The following PGS1 variants were observed in gnomAD, a reference collection of about 807,000 sequenced individuals.
The protein encoded by PGS1 is CDP-diacylglycerol--glycerol-3-phosphate 3-phosphatidyltransferase, mitochondrial.
A neutral mutation model predicts 58.3 loss-of-function variants in PGS1; 44 were observed. The observed-to-expected ratio is 0.75, with a 90% CI of 0.59 to 0.97. The LOEUF is 0.97. Among genes scored for constraint, PGS1 ranks in the 50% least tolerant of loss-of-function variants. PGS1 has a pLI of 0.00. For missense variants in PGS1, 684 were observed against 731.1 expected (o/e 0.94, Z 0.74); for synonymous variants, 330 against 311.0 (o/e 1.06, Z -0.64).
chr17:78,418,708 T>TA (rs1396273841), intron 8 of PGS1, among the ~76,000 whole-genome samples: 1 of 152,158 alleles, frequency 6.6e-6, no homozygotes, highest in Non-Finnish European at 1.5e-5. Flanking sequence ...AAGGGAGCTT[T>TA]ATAAGGTTCT....
intron 7 of PGS1, among the ~76,000 whole-genome samples, chr17:78,405,431 C>T (rs2084051550): frequency 6.6e-6 from 1 of 152,048 alleles, no homozygotes; most frequent in Non-Finnish European, 1.5e-5. Context: ...CTTTTTTCCC[C>T]ATAGCTGAGG....
Position 78,403,913 on chromosome 17 carries a change from T to C in PGS1, c.1226T>C (p.Leu409Pro). The change falls in exon 7 of 10, where the codon CTG becomes CCG. Residue 409 changes from leucine to proline, a missense_variant. Coordinates refer to ENST00000262764, the MANE Select transcript of PGS1 (RefSeq NM_024419.5). ...VLGTRAEYQI[L>P]LASPEVNGFF... ...GGCACTCGGGCTGAGTACCAGATCC[T>C]GCTGGCCTCACCAGAGGTGAATGGC... The C allele has an allele frequency of 6.2e-7, 1 of 1,614,208 alleles. No homozygotes were observed. The highest frequency in any genetic ancestry group is 8.5e-7 in the Non-Finnish European group (1 of 1,180,000).
chr17:78,387,251 G>A (rs1486476817), intron 1 of PGS1, among the ~76,000 whole-genome samples: 1 of 151,994 alleles, frequency 6.6e-6, no homozygotes, highest in East Asian at 1.9e-4. Flanking sequence ...TGATCTGACT[G>A]TGCAGGCCTA....
At chr17:78,385,125 C>A (rs1004451502) in intron 1 of PGS1, among the ~76,000 whole-genome samples, 56 of 152,260 alleles carry the variant, frequency 3.7e-4, no homozygotes, top group Middle Eastern at 3.4e-3. Flanking sequence ...TTCTTTCTTT[C>A]TTTCTTTTTC....
At chr17:78,407,404 C>T (rs1183824683) in intron 7 of PGS1, among the ~76,000 whole-genome samples, 6 of 152,310 alleles carry the variant, frequency 3.9e-5, no homozygotes, top group African/African-American at 1.4e-4. Flanking sequence ...TCCAGGGCAG[C>T]GTGTGTCAGG....
intron 2 of PGS1, among the ~76,000 whole-genome samples, chr17:78,395,847 T>G (rs1383087791): frequency 6.6e-6 from 1 of 152,240 alleles, no homozygotes; most frequent in Non-Finnish European, 1.5e-5. Context: ...CAAGTGACTC[T>G]TCTGCCTCAG....
At chr17:78,385,850 A>G (rs2082347913) in intron 1 of PGS1, among the ~76,000 whole-genome samples, 3 of 152,200 alleles carry the variant, frequency 2.0e-5, no homozygotes, top group African/African-American at 7.2e-5. Flanking sequence ...AAGTGTGTGC[A>G]GGGCGCGTTG....
At chr17:78,384,631 C>T (rs770995122) in intron 1 of PGS1, among the ~76,000 whole-genome samples, 14 of 152,138 alleles carry the variant, frequency 9.2e-5, no homozygotes, top group East Asian at 5.8e-4. Flanking sequence ...CTTCAGACCA[C>T]GCCTCTGAGG....
chr17:78,420,257 C>T, intron 9 of PGS1: 1 of 984,546 alleles, frequency 1.0e-6, no homozygotes, highest in African/African-American at 1.7e-5. Context: ...ACAGGACCTG[C>T]TCTGCCCACC....
At chr17:78,380,237 T>A (rs1179844502) in intron 1 of PGS1, among the ~76,000 whole-genome samples, 1 of 152,206 alleles carries the variant, frequency 6.6e-6, no homozygotes, top group Non-Finnish European at 1.5e-5. Context: ...CTTCCTTTAG[T>A]TGAGGTTGCA....
At chr17:78,422,939 TAAAAA>T (rs898851659) in intron 9 of PGS1, among the ~76,000 whole-genome samples, 5 of 151,754 alleles carry the variant, frequency 3.3e-5, no homozygotes, top group African/African-American at 1.2e-4. Flanking sequence ...CTACTAAAAA[TAAAAA>T]AATTAGCTGC....
intron 6 of PGS1, among the ~76,000 whole-genome samples, chr17:78,402,733 G>T (rs532699938): frequency 5.3e-5 from 8 of 152,162 alleles, no homozygotes; most frequent in African/African-American, 1.9e-4. Context: ...GATTATAGGC[G>T]TGAGCCACTG....
At position 78,410,462 on chromosome 17, in the gene PGS1, C is replaced by CT. The variant is rs572547320; in HGVS notation, c.1403-4388dup. Among the ~76,000 whole-genome samples the CT allele has an allele frequency of 8.4e-4, 62 of 73,556 alleles. 2 individuals are homozygous for CT. Among genetic ancestry groups the CT allele is most frequent in the African/African-American group, 2.6e-3 (49 of 18,804 alleles). 48.3% of individuals were successfully genotyped at this position (73,556 alleles called of 152,430 possible). A position where few individuals can be genotyped will look rare whatever the true frequency, so the allele number is the denominator to read the frequency against. ...ATAAAACAAAACCAAAACTTCAGAG[C>CT]TTTTTTTTTTTTTTTTTTTTTTTTT... On this transcript the variant is annotated intron_variant, in intron 7 of 9. Transcript: ENST00000262764.
intron 7 of PGS1, among the ~76,000 whole-genome samples, chr17:78,407,018 C>T (rs930052754): frequency 7.9e-5 from 12 of 152,232 alleles, no homozygotes; most frequent in African/African-American, 2.9e-4. Flanking sequence ...TGCCTTTTCC[C>T]GGACTGATGT....
chr17:78,415,623 ACT>A (rs1262770128), intron 8 of PGS1, among the ~76,000 whole-genome samples: 1 of 152,166 alleles, frequency 6.6e-6, no homozygotes, highest in East Asian at 1.9e-4. Context: ...CAAGAGCGAA[ACT>A]CTGTCTCAAA....
intron 9 of PGS1, 199 bp from the exon 10 acceptor site, chr17:78,423,862 T>TGTGGTC (rs753590432): frequency 6.2e-7 from 1 of 1,606,798 alleles, no homozygotes; most frequent in South Asian, 1.1e-5. Context: ...AGGGCTGAGT[T>TGTGGTC]GTGGTCCAGC....
chr17:78,423,691 C>T lies in PGS1; in HGVS notation c.*11-370C>T, dbSNP rs2086185922. 16 of 590,862 alleles carry T rather than the reference C, an allele frequency of 2.7e-5. No homozygotes were observed. The South Asian group carries it at 3.3e-4, about 12-fold the overall frequency. The allele number at this position is 590,862 out of a possible 1,614,324, so 36.6% of individuals were successfully genotyped here. On this transcript the variant is annotated intron_variant, in intron 9 of 9. Coordinates refer to ENST00000262764, the MANE Select transcript of PGS1 (RefSeq NM_024419.5). ...GGCCATCAGGCACAGAATGGATGGG[C>T]ACAGCTGAGTGGCTCCACTGGCTTT...
intron 1 of PGS1, among the ~76,000 whole-genome samples, chr17:78,392,134 C>A (rs1331990649): frequency 6.6e-6 from 1 of 152,100 alleles, no homozygotes; most frequent in East Asian, 1.9e-4. Flanking sequence ...TGGTAGCTAA[C>A]CATGTGGTAG....
chr17:78,421,750 A>C (rs1482542261), intron 9 of PGS1: 1 of 151,866 alleles, frequency 6.6e-6, no homozygotes, highest in Non-Finnish European at 1.5e-5. Flanking sequence ...AGGCTTAAGC[A>C]ATCTATCTGC....
Sources: allele counts gnomAD v4.1 joint callset (sites outside exome capture counted in the v4.1 genomes callset), GRCh38; gene constraint gnomAD v4.1.1; transcripts MANE v1.5; gene names NCBI Gene and HGNC (gene_info 2026-07-23, HGNC 2026-07-21).